GALNT18: variants seen among roughly 807,000 people sequenced by gnomAD.
The protein encoded by GALNT18 is GalNAc-transferase 18.
GALNT18 carries 44 observed loss-of-function variants against 69.5 expected under a neutral mutation model. The ratio of observed to expected loss-of-function variants is 0.63; its 90% CI spans 0.50 to 0.81. The LOEUF is 0.81. Ranked by LOEUF, GALNT18 falls within the 40% of genes least tolerant of loss-of-function variation. The pLI is 0.00. For synonymous variants in GALNT18, 364 were observed against 318.2 expected (o/e 1.14, Z -1.53); for missense variants, 715 against 810.0 (o/e 0.88, Z 1.42).
At position 11,613,397 on chromosome 11, in the gene GALNT18, A is replaced by G. The variant is rs992347206; in HGVS notation, c.235+7962T>C. On this transcript the variant is annotated intron_variant, in intron 1 of 10. Coordinates refer to ENST00000227756, the MANE Select transcript of GALNT18 (RefSeq NM_198516.3). The surrounding 1 kb of genome is among the most constrained non-coding windows in gnomAD (Gnocchi z 4.2). ...TAAGTACCAAAGCTTATGAATGATT[A>G]GCTTTAACTCTAATAAATTAAAGGG... Among the ~76,000 whole-genome samples, 1 of 152,262 alleles carries G rather than the reference A, an allele frequency of 6.6e-6. No homozygotes were observed. The highest frequency in any genetic ancestry group is 2.4e-5 in the African/African-American group (1 of 41,478).
intron 6 of GALNT18, among the ~76,000 whole-genome samples, chr11:11,368,313 G>A (rs1850817647): frequency 6.6e-6 from 1 of 152,068 alleles, no homozygotes; most frequent in Non-Finnish European, 1.5e-5. Flanking sequence ...ACCTCACTTT[G>A]GATGGCATGA....
intron 3 of GALNT18, among the ~76,000 whole-genome samples, chr11:11,424,192 C>T (rs1384699125): frequency 2.0e-5 from 3 of 152,216 alleles, no homozygotes; most frequent in African/African-American, 7.2e-5. Context: ...GGCTCACCTA[C>T]GTTGGACCTG....
chr11:11,400,732 C>T (rs1373115840), intron 3 of GALNT18, among the ~76,000 whole-genome samples: 1 of 152,214 alleles, frequency 6.6e-6, no homozygotes, highest in Non-Finnish European at 1.5e-5. Context: ...CTTAAATATG[C>T]TTCTCACTCC....
Position 11,358,617 on chromosome 11 carries a change from A to G in GALNT18, c.1092+13898T>C, listed in dbSNP as rs74323775. Among the ~76,000 whole-genome samples, 572 of 140,168 alleles carry G rather than the reference A, an allele frequency of 4.1e-3. 82 individuals carry two copies. The highest frequency in any genetic ancestry group is 0.014 in the African/African-American group (546 of 37,896). The allele number at this position is 140,168 out of a possible 152,430, so 92.0% of individuals were successfully genotyped here. Reference sequence around the variant, plus strand: ...TGGGAAAATTCCCTTTGGAAGCACAAAGGCCTGCAAGCTTGAAATCTGTTT... The same window carrying G: ...TGGGAAAATTCCCTTTGGAAGCACAGAGGCCTGCAAGCTTGAAATCTGTTT... On this transcript the variant is annotated intron_variant, in intron 6 of 10. Transcript: ENST00000227756.
intron 10 of GALNT18, among the ~76,000 whole-genome samples, chr11:11,274,153 T>C (rs1848886589): frequency 6.6e-6 from 1 of 152,176 alleles, no homozygotes; most frequent in Non-Finnish European, 1.5e-5. Flanking sequence ...GCACTCCGGC[T>C]CAGATACTGT....
At chr11:11,441,169 A>C (rs1855524885) in intron 2 of GALNT18, among the ~76,000 whole-genome samples, 1 of 152,208 alleles carries the variant, frequency 6.6e-6, no homozygotes, top group Non-Finnish European at 1.5e-5. Flanking sequence ...ACTTCTATTA[A>C]TATAGCTCAA....
chr11:11,610,290 GGTA>G (rs2133961451), intron 1 of GALNT18, among the ~76,000 whole-genome samples: 1 of 152,312 alleles, frequency 6.6e-6, no homozygotes, highest in Non-Finnish European at 1.5e-5. Flanking sequence ...GCTTAACAGT[GGTA>G]ATGGGCTTTT....
rs1208036692 is a variant in GALNT18, at chr11:11,320,800, C to A, written c.1512+6286G>T. On this transcript the variant is annotated intron_variant, in intron 9 of 10. Transcript: ENST00000227756. The surrounding 1 kb of genome is among the most constrained non-coding windows in gnomAD (Gnocchi z 4.9). ...ACCTTGTCCTTTCCAGCTCTCCCAG[C>A]TCACTGGGCAGGCCACAGCCTCAAC... Among the ~76,000 whole-genome samples, 1 of 152,216 alleles carries A rather than the reference C, an allele frequency of 6.6e-6. No homozygotes were observed. Among genetic ancestry groups the A allele is most frequent in the African/African-American group, 2.4e-5 (1 of 41,450 alleles).
chr11:11,579,117 G>C (rs2133904196), intron 1 of GALNT18, among the ~76,000 whole-genome samples: 1 of 152,348 alleles, frequency 6.6e-6, no homozygotes, highest in East Asian at 1.9e-4. Flanking sequence ...GCTGGGAACT[G>C]GCTGTGGGCA....
In GALNT18 at chr11:11,444,270, T is replaced by C. The variant is rs1564952442; in HGVS notation, c.428+4474A>G. On this transcript the variant is annotated intron_variant, in intron 2 of 10. Transcript: ENST00000227756. This position sits in a 1 kb window ranked among gnomAD's most constrained non-coding sequence, Gnocchi z 4.4. ...TGCCACCCTCCAGGCCCTGCCTCCC[T>C]GCCACAGAGGCACCAGAGGGACAGT... Among the ~76,000 whole-genome samples the C allele has an allele frequency of 6.6e-6, 1 of 152,058 alleles. No individual in the cohort carries two copies. Among genetic ancestry groups the C allele is most frequent in the East Asian group, 1.9e-4 (1 of 5,164 alleles).
Position 11,444,946 on chromosome 11 carries a change from T to G in GALNT18, c.428+3798A>C, listed in dbSNP as rs1855614832. Among the ~76,000 whole-genome samples, 1 of 152,198 alleles carries G rather than the reference T, an allele frequency of 6.6e-6. No homozygotes were observed. The highest frequency in any genetic ancestry group is 2.4e-5 in the African/African-American group (1 of 41,448). ...AGTGACTGTGGGCTTCCTCTCCACA[T>G]GCTGACCCACATCCTCTCAGTCCAA... On this transcript the variant is annotated intron_variant, in intron 2 of 10. Transcript: ENST00000227756. This position sits in a 1 kb window ranked among gnomAD's most constrained non-coding sequence, Gnocchi z 4.4.
intron 1 of GALNT18, among the ~76,000 whole-genome samples, chr11:11,608,050 C>A (rs1859796437): frequency 6.6e-6 from 1 of 152,188 alleles, no homozygotes; most frequent in Non-Finnish European, 1.5e-5. Context: ...ACCAAGATGC[C>A]CTGGAGCAGA....
intron 1 of GALNT18, among the ~76,000 whole-genome samples, chr11:11,493,125 G>A (rs974895120): frequency 1.3e-5 from 2 of 151,902 alleles, no homozygotes; most frequent in African/African-American, 4.8e-5. Context: ...GCCAGGCATG[G>A]TGGTGGGTGC....
chr11:11,344,939 G>A (rs1391372701), intron 6 of GALNT18, among the ~76,000 whole-genome samples: 1 of 152,190 alleles, frequency 6.6e-6, no homozygotes, highest in East Asian at 1.9e-4. Flanking sequence ...CTGCTGAAGT[G>A]CTCAGGATAC....
chr11:11,274,418 A>G (rs1848894549), intron 10 of GALNT18, among the ~76,000 whole-genome samples: 1 of 152,148 alleles, frequency 6.6e-6, no homozygotes, highest in Non-Finnish European at 1.5e-5. Flanking sequence ...ACTCCCACAG[A>G]GCCCAGCAAG....
Position 11,600,612 on chromosome 11 carries a change from T to C in GALNT18, c.235+20747A>G, listed in dbSNP as rs1199101658. 1.3e-5 allele frequency among the ~76,000 whole-genome samples: 2 copies of C among 152,160 alleles called. No homozygotes were observed. Among genetic ancestry groups the C allele is most frequent in the Admixed American group, 1.3e-4 (2 of 15,276 alleles). On this transcript the variant is annotated intron_variant, in intron 1 of 10. Coordinates refer to ENST00000227756, the MANE Select transcript of GALNT18 (RefSeq NM_198516.3). The surrounding 1 kb of genome is among the most constrained non-coding windows in gnomAD (Gnocchi z 4.8). ...CTTTCAAAATTTCAACTATGATGTG[T>C]CTGGATGTGGCTTTGTTTTTATCCT...
At chr11:11,397,418 G>A (rs1311261577) in intron 3 of GALNT18, among the ~76,000 whole-genome samples, 5 of 152,062 alleles carry the variant, frequency 3.3e-5, no homozygotes, top group Admixed American at 3.3e-4. Flanking sequence ...TCCAAAGCAG[G>A]AAGAAAAAGG....
At chr11:11,577,177 G>T (rs995542936) in intron 1 of GALNT18, among the ~76,000 whole-genome samples, 1 of 152,186 alleles carries the variant, frequency 6.6e-6, no homozygotes, top group Non-Finnish European at 1.5e-5. Flanking sequence ...GCTGCATTCA[G>T]CAAGTACCTG....
At chr11:11,608,856 C>T (rs1031044295) in intron 1 of GALNT18, among the ~76,000 whole-genome samples, 1 of 152,188 alleles carries the variant, frequency 6.6e-6, no homozygotes, top group Non-Finnish European at 1.5e-5. Flanking sequence ...AACTTGCCCT[C>T]TCCAAATCTT....
Sources: allele counts gnomAD v4.1 joint callset (sites outside exome capture counted in the v4.1 genomes callset), GRCh38; gene constraint gnomAD v4.1.1; non-coding constraint Gnocchi (gnomAD v3.1); transcripts MANE v1.5; gene names NCBI Gene and HGNC (gene_info 2026-07-23, HGNC 2026-07-21).